Variants in KLHL7 observed in about 807,000 individuals in gnomAD.
The protein encoded by KLHL7 is kelch-like protein 7.
Under a neutral mutation model 67.4 loss-of-function variants are expected in KLHL7, and 44 were observed. That is an observed-to-expected ratio of 0.65 (90% confidence interval 0.51 to 0.84). The LOEUF (loss-of-function observed/expected upper bound fraction) is 0.84. Among genes scored for constraint, KLHL7 ranks in the 40% least tolerant of loss-of-function variants. The pLI is 0.00. For missense variants in KLHL7, 362 were observed against 718.1 expected, an observed-to-expected ratio of 0.50 and a Z score of 5.67; for synonymous variants, 252 against 243.3, an observed-to-expected ratio of 1.04 and a Z score of -0.33.
intron 1 of KLHL7, among the ~76,000 whole-genome samples, chr7:23,111,148 G>A (rs565319548): frequency 1.3e-5 from 2 of 152,266 alleles, no homozygotes; most frequent in South Asian, 2.1e-4. Flanking sequence ...AGGGCATATG[G>A]GTGGGTAATT....
chr7:23,108,661 C>G (rs933186766), intron 1 of KLHL7, among the ~76,000 whole-genome samples: 2 of 152,238 alleles, frequency 1.3e-5, no homozygotes, highest in African/African-American at 4.8e-5. Flanking sequence ...TCTAAGGGCA[C>G]TATGCACCCC....
At chr7:23,132,140 A>G (rs1037178699) in intron 4 of KLHL7, among the ~76,000 whole-genome samples, 1 of 152,210 alleles carries the variant, frequency 6.6e-6, no homozygotes, top group African/African-American at 2.4e-5. Flanking sequence ...TCTTTGATAT[A>G]CTGATTTCCT....
intron 1 of KLHL7, among the ~76,000 whole-genome samples, chr7:23,121,139 C>T (rs750009450): frequency 2.0e-5 from 3 of 152,182 alleles, no homozygotes; most frequent in African/African-American, 4.8e-5. Flanking sequence ...CTTCCAGTTC[C>T]ATCCACATTG....
intron 4 of KLHL7, chr7:23,125,914 G>A: frequency 7.1e-7 from 1 of 1,418,338 alleles, no homozygotes; most frequent in South Asian, 1.2e-5. Context: ...GTGAATGCCT[G>A]AAACTGCAGA....
chr7:23,125,327 A>G (rs966205596), intron 4 of KLHL7, 155 bp downstream of exon 4: 6 of 690,798 alleles, frequency 8.7e-6, no homozygotes, highest in Non-Finnish European at 1.4e-5. Context: ...AGAGGGGCTT[A>G]GAGAGATGCA....
intron 6 of KLHL7, among the ~76,000 whole-genome samples, chr7:23,145,813 C>T (rs1375524307): frequency 6.6e-6 from 1 of 152,266 alleles, no homozygotes; most frequent in Non-Finnish European, 1.5e-5. Flanking sequence ...TCACTACAGC[C>T]TTGACCTGTC....
intron 4 of KLHL7, among the ~76,000 whole-genome samples, chr7:23,140,474 G>T (rs564958845): frequency 3.3e-5 from 5 of 152,226 alleles, no homozygotes; most frequent in African/African-American, 9.6e-5. Context: ...GGAGAATAGC[G>T]TGAAGCTGGG....
In KLHL7 at chr7:23,150,595, TC is replaced by T. The variant is rs200870303; in HGVS notation, c.794-1469del. Among the ~76,000 whole-genome samples the T allele has an allele frequency of 5.7e-3, 870 of 152,254 alleles. 10 individuals carry two copies. The highest frequency in any genetic ancestry group is 0.02 in the African/African-American group (813 of 41,536). ...GACATAGCATAATTTTTTAACCACT[TC>T]CCTAACAGTGAACTTTAGATTGATA... On this transcript the variant is annotated intron_variant, in intron 6 of 10. Coordinates refer to ENST00000339077, the MANE Select transcript of KLHL7 (RefSeq NM_001031710.3).
intron 7 of KLHL7, among the ~76,000 whole-genome samples, chr7:23,152,776 G>T (rs1046771887): frequency 4.6e-5 from 7 of 152,054 alleles, no homozygotes; most frequent in Non-Finnish European, 8.8e-5. Context: ...ATTTTTAATA[G>T]ATCATTACTT....
rs1785212930 is a variant in KLHL7 at position 23,173,130 on chromosome 7, G to A, written c.1477+85G>A. 4.5e-6 allele frequency: 4 copies of A among 898,724 alleles called. No individual in the cohort carries two copies. In the South Asian group the frequency reaches 5.3e-5, roughly 12 times the overall value. 55.7% of individuals were successfully genotyped at this position (898,724 alleles called of 1,614,324 possible). ...TTATTGAAGCATTTTTAAAAATCTAGATAGAAGCATTTACCATGTATATTA... is the reference window on the plus strand; with the variant it reads ...TTATTGAAGCATTTTTAAAAATCTAAATAGAAGCATTTACCATGTATATTA... On this transcript the variant is annotated intron_variant, in intron 10 of 10. Coordinates refer to ENST00000339077, the MANE Select transcript of KLHL7 (RefSeq NM_001031710.3).
At chr7:23,148,261 T>A (rs1455525562) in intron 6 of KLHL7, among the ~76,000 whole-genome samples, 1 of 152,176 alleles carries the variant, frequency 6.6e-6, no homozygotes, top group Non-Finnish European at 1.5e-5. Flanking sequence ...ATATTTTTTT[T>A]AATTAAATGA....
chr7:23,124,582 T>A, intron 2 of KLHL7, 106 bp from the exon 3 acceptor site: 1 of 746,476 alleles, frequency 1.3e-6, no homozygotes, highest in East Asian at 2.6e-5. Flanking sequence ...CAGAGAGAAC[T>A]GTCCCGTTAT....
chr7:23,106,221 A>C, intron 1 of KLHL7, 75 bp downstream of exon 1: 3 of 1,565,576 alleles, frequency 1.9e-6, no homozygotes, highest in Admixed American at 1.9e-5. Flanking sequence ...CCGGGGTGGA[A>C]CCCCGCGCCC....
rs193202664 is a variant in KLHL7, at chr7:23,175,163, C to T, written c.*865C>T. Reference sequence around the variant, plus strand: ...CAGTGTTGACTTTGAACTTCTTTAACGAGATCATGAATTCTTTTCCCTTAG... The same window carrying T: ...CAGTGTTGACTTTGAACTTCTTTAATGAGATCATGAATTCTTTTCCCTTAG... On this transcript the variant is annotated 3_prime_UTR_variant, in exon 11 of 11. Transcript: ENST00000339077. The T allele has an allele frequency of 1.4e-4, 63 of 454,058 alleles. No individual in the cohort carries two copies. In the East Asian group the frequency reaches 1.5e-3, roughly 11 times the overall value. 28.1% of individuals were successfully genotyped at this position (454,058 alleles called of 1,614,324 possible).
chr7:23,163,193 G>T (rs765068291), intron 7 of KLHL7, among the ~76,000 whole-genome samples: 20 of 151,798 alleles, frequency 1.3e-4, no homozygotes, highest in South Asian at 4.2e-4. Context: ...GTTTGGAGAC[G>T]GAGTTTCGCT....
intron 4 of KLHL7, among the ~76,000 whole-genome samples, chr7:23,138,994 CA>C (rs1784084680): frequency 6.7e-6 from 1 of 150,226 alleles, no homozygotes; most frequent in South Asian, 2.1e-4. Context: ...ACCATAATAG[CA>C]ACATTGGATG....
intron 1 of KLHL7, 111 bp downstream of exon 1, chr7:23,106,257 T>C: frequency 6.5e-7 from 1 of 1,536,768 alleles, no homozygotes. Context: ...TCTTTCTCTG[T>C]CCTCGCCCCT....
intron 2 of KLHL7, 37 bp from the exon 3 acceptor site, chr7:23,124,651 G>A (rs768364285): frequency 7.8e-7 from 1 of 1,285,266 alleles, no homozygotes; most frequent in Non-Finnish European, 1.1e-6. Context: ...ACTTGTGGTA[G>A]TACAGATGCC....
intron 1 of KLHL7, 192 bp downstream of exon 1, chr7:23,106,338 T>C: frequency 7.0e-7 from 1 of 1,437,550 alleles, no homozygotes; most frequent in Non-Finnish European, 9.1e-7. Flanking sequence ...CGAGCAAAAG[T>C]GCTTCTCGTC....
Sources: gnomAD v4.1 joint callset for allele counts (sites outside exome capture counted in the v4.1 genomes callset) on GRCh38, gnomAD v4.1.1 for gene constraint, MANE v1.5 for transcripts, NCBI Gene and HGNC (gene_info 2026-07-23, HGNC 2026-07-21) for gene names.